CAMK2A: variants seen among roughly 807,000 people sequenced by gnomAD.
CAMK2A encodes the protein calcium/calmodulin-dependent protein kinase type II subunit alpha.
A neutral mutation model predicts 79.2 loss-of-function variants in CAMK2A; 7 were observed. That is an observed-to-expected ratio of 0.09 (90% confidence interval 0.05 to 0.17). CAMK2A has a LOEUF of 0.17. Among genes scored for constraint, CAMK2A ranks in the 10% least tolerant of loss-of-function variants. CAMK2A has a pLI of 1.00. For missense variants in CAMK2A, 214 were observed against 646.4 expected (o/e 0.33, Z 7.25); for synonymous variants, 242 against 251.7 (o/e 0.96, Z 0.36).
intron 17 of CAMK2A, among the ~76,000 whole-genome samples, chr5:150,225,546 T>C (rs1158658194): frequency 6.6e-6 from 1 of 152,182 alleles, no homozygotes; most frequent in Non-Finnish European, 1.5e-5. Context: ...ATTTCAATTT[T>C]GCCATCGCTG....
At chr5:150,227,077 T>C (rs1754637800) in intron 17 of CAMK2A, among the ~76,000 whole-genome samples, 1 of 152,108 alleles carries the variant, frequency 6.6e-6, no homozygotes, top group Admixed American at 6.5e-5. Flanking sequence ...CGGCTATAGA[T>C]TTATTTTAAA....
At chr5:150,262,248 A>G (rs1756332451) in intron 3 of CAMK2A, among the ~76,000 whole-genome samples, 1 of 152,220 alleles carries the variant, frequency 6.6e-6, no homozygotes, top group South Asian at 2.1e-4. Context: ...AGCAGCGACC[A>G]GTAGTAACCT....
chr5:150,250,200 G>A, intron 11 of CAMK2A, 26 bp downstream of exon 11: 4 of 1,581,912 alleles, frequency 2.5e-6, no homozygotes, highest in Non-Finnish European at 3.5e-6. Flanking sequence ...CCATGGCCAG[G>A]ACTGTGGAGG....
intron 12 of CAMK2A, among the ~76,000 whole-genome samples, chr5:150,247,261 T>C (rs1478712935): frequency 6.6e-6 from 1 of 152,246 alleles, no homozygotes; most frequent in Non-Finnish European, 1.5e-5. Context: ...TCTAGCCATG[T>C]GACCTGGGAC....
At chr5:150,258,633 T>C (rs1756165169) in intron 3 of CAMK2A, among the ~76,000 whole-genome samples, 1 of 152,186 alleles carries the variant, frequency 6.6e-6, no homozygotes, top group Non-Finnish European at 1.5e-5. Flanking sequence ...GCACTGAGGG[T>C]GCCTCTGGGG....
At chr5:150,250,130 G>T in intron 11 of CAMK2A, 96 bp downstream of exon 11, 1 of 901,030 alleles carries the variant, frequency 1.1e-6, no homozygotes. Context: ...TTGAATCAAT[G>T]AAGGAAAGAA....
At chr5:150,269,923 G>T (rs949644555) in intron 2 of CAMK2A, among the ~76,000 whole-genome samples, 2 of 152,166 alleles carry the variant, frequency 1.3e-5, no homozygotes, top group Admixed American at 6.5e-5. Flanking sequence ...AGCTTGTCAT[G>T]CTCCCCACCT....
intron 1 of CAMK2A, among the ~76,000 whole-genome samples, chr5:150,276,629 G>C (rs1756958225): frequency 6.6e-6 from 1 of 152,132 alleles, no homozygotes; most frequent in South Asian, 2.1e-4. Context: ...GCTTAAAGTG[G>C]CCACATCTGG....
At chr5:150,279,747 C>T (rs886620881) in intron 1 of CAMK2A, among the ~76,000 whole-genome samples, 2 of 152,206 alleles carry the variant, frequency 1.3e-5, no homozygotes, top group African/African-American at 4.8e-5. Context: ...GGGAGGCCCC[C>T]CTCCGGCACT....
intron 10 of CAMK2A, 95 bp downstream of exon 10, chr5:150,250,593 C>T: frequency 2.0e-6 from 3 of 1,524,970 alleles, no homozygotes; most frequent in Non-Finnish European, 2.7e-6. Context: ...GCCCTCTTGG[C>T]CCCATGGGCC....
intron 2 of CAMK2A, among the ~76,000 whole-genome samples, chr5:150,269,075 T>C (rs1237661862): frequency 6.6e-6 from 1 of 152,062 alleles, no homozygotes; most frequent in African/African-American, 2.4e-5. Flanking sequence ...CCCACTCTAA[T>C]AATTAATTAA....
chr5:150,256,221 T>C lies in CAMK2A; in HGVS notation c.411+352A>G, dbSNP rs534678662. ...AAGAATCTGAGGCTCAGGAAGGTCATGCTACTAAAGGCTGCATGGCTGGAA... is the reference window on the plus strand; with the variant it reads ...AAGAATCTGAGGCTCAGGAAGGTCACGCTACTAAAGGCTGCATGGCTGGAA... On this transcript the variant is annotated intron_variant, in intron 6 of 18. Transcript: ENST00000671881. The surrounding 1 kb of genome is among the most constrained non-coding windows in gnomAD (Gnocchi z 4.6). 6.6e-6 allele frequency among the ~76,000 whole-genome samples: 1 copy of C among 152,314 alleles called. No individual in the cohort carries two copies.
At chr5:150,245,394 G>C in intron 12 of CAMK2A, 193 bp from the exon 13 acceptor site, 1 of 606,960 alleles carries the variant, frequency 1.6e-6, no homozygotes, top group Non-Finnish European at 2.9e-6. Flanking sequence ...GAGGCCCAGG[G>C]ACTGCCTGGG....
intron 3 of CAMK2A, 122 bp from the exon 4 acceptor site, chr5:150,257,739 C>A: frequency 6.9e-6 from 5 of 728,936 alleles, no homozygotes; most frequent in Non-Finnish European, 1.2e-5. Context: ...TGAGTATACA[C>A]CAGGTGCCAG....
At chr5:150,272,281 T>C (rs1756778102) in intron 2 of CAMK2A, among the ~76,000 whole-genome samples, 1 of 151,342 alleles carries the variant, frequency 6.6e-6, no homozygotes, top group Non-Finnish European at 1.5e-5. Context: ...AGAGAGAAAA[T>C]AGGTTGGGCG....
chr5:150,279,140 A>G lies in CAMK2A; in HGVS notation c.63-5981T>C, dbSNP rs193048850. 2.4e-3 allele frequency among the ~76,000 whole-genome samples: 363 copies of G among 152,306 alleles called. 1 individual carries two copies. Among genetic ancestry groups the G allele is most frequent in the Non-Finnish European group, 3.7e-3 (249 of 68,016 alleles). ...GTGCCATTCAACAGAACTTCCTGTG[A>G]TGATGCACACACCCTGAGCTGTCCA... On this transcript the variant is annotated intron_variant, in intron 1 of 18. Transcript: ENST00000671881.
chr5:150,236,472 A>G (rs1437049654), intron 15 of CAMK2A, among the ~76,000 whole-genome samples: 1 of 152,230 alleles, frequency 6.6e-6, no homozygotes, highest in African/African-American at 2.4e-5. Context: ...CTGCACAGCA[A>G]TCCTCTGAGG....
chr5:150,227,819 C>A (rs1371902474), intron 17 of CAMK2A, among the ~76,000 whole-genome samples: 1 of 152,184 alleles, frequency 6.6e-6, no homozygotes, highest in Non-Finnish European at 1.5e-5. Context: ...TGGCCCCAGG[C>A]ATCAAGATGA....
Position 150,256,400 on chromosome 5 carries a change from T to C in CAMK2A, c.411+173A>G, listed in dbSNP as rs914342463. Reference sequence around the variant, plus strand: ...CCCAAACACAGACGCTCTACCTTCCTGAGCTCTGCTTCCTCATCTGAACAG... The same window carrying C: ...CCCAAACACAGACGCTCTACCTTCCCGAGCTCTGCTTCCTCATCTGAACAG... On this transcript the variant is annotated intron_variant, in intron 6 of 18. Transcript: ENST00000671881. This position sits in a 1 kb window ranked among gnomAD's most constrained non-coding sequence, Gnocchi z 4.6. 2.6e-5 allele frequency among the ~76,000 whole-genome samples: 4 copies of C among 152,222 alleles called. No homozygotes were observed. The highest frequency in any genetic ancestry group is 4.4e-5 in the Non-Finnish European group (3 of 68,040).
Sources: allele counts gnomAD v4.1 joint callset (sites outside exome capture counted in the v4.1 genomes callset), GRCh38; gene constraint gnomAD v4.1.1; non-coding constraint Gnocchi (gnomAD v3.1); transcripts MANE v1.5; gene names NCBI Gene and HGNC (gene_info 2026-07-23, HGNC 2026-07-21).